EFR3A: variants seen among roughly 807,000 people sequenced by gnomAD.
EFR3A encodes the protein protein EFR3 homolog A.
Under a neutral mutation model 104.4 loss-of-function variants are expected in EFR3A, and 76 were observed. That is an observed-to-expected ratio of 0.73 (90% CI 0.60 to 0.88). The LOEUF (loss-of-function observed/expected upper bound fraction) is 0.88. Ranked by LOEUF, EFR3A falls within the 40% of genes least tolerant of loss-of-function variation. EFR3A has a pLI of 0.00. For missense variants in EFR3A, 985 were observed against 1,012.5 expected (o/e 0.97, Z 0.37); for synonymous variants, 330 against 330.0 (o/e 1.00, Z 0.00).
intron 1 of EFR3A, among the ~76,000 whole-genome samples, chr8:131,914,425 C>T (rs1470089032): frequency 6.6e-6 from 1 of 152,190 alleles, no homozygotes; most frequent in Non-Finnish European, 1.5e-5. Context: ...GCACAGCATC[C>T]TCATTGTTGA....
chr8:131,966,243 A>G (rs571202486), intron 8 of EFR3A, among the ~76,000 whole-genome samples: 1 of 152,242 alleles, frequency 6.6e-6, no homozygotes, highest in Admixed American at 6.5e-5. Flanking sequence ...CAACAAAAAA[A>G]AGAGTTTCTG....
intron 5 of EFR3A, among the ~76,000 whole-genome samples, chr8:131,951,011 C>G (rs1469215469): frequency 6.6e-6 from 1 of 152,026 alleles, no homozygotes; most frequent in East Asian, 1.9e-4. Context: ...AACAAGAAAT[C>G]AACCCGGATT....
intron 14 of EFR3A, among the ~76,000 whole-genome samples, chr8:131,983,116 G>A (rs1820702061): frequency 6.6e-6 from 1 of 152,148 alleles, no homozygotes; most frequent in African/African-American, 2.4e-5. Flanking sequence ...AAGAGTCTGT[G>A]CTGTTCTCGC....
intron 1 of EFR3A, among the ~76,000 whole-genome samples, chr8:131,910,286 A>G (rs527814185): frequency 1.3e-5 from 2 of 152,210 alleles, no homozygotes; most frequent in South Asian, 4.1e-4. Context: ...TTCTCTGGTA[A>G]TTTGAGATGG....
rs954728183 is a variant in EFR3A at position 132,011,809 on chromosome 8, G to A, written c.*914G>A. The A allele has an allele frequency of 6.6e-6, 1 of 152,206 alleles. No individual in the cohort carries two copies. Among genetic ancestry groups the A allele is most frequent in the African/African-American group, 2.4e-5 (1 of 41,424 alleles). 9.4% of individuals were successfully genotyped at this position (152,206 alleles called of 1,614,324 possible). A position where few individuals can be genotyped will look rare whatever the true frequency, so the allele number is the denominator to read the frequency against. ...ATTAAGAGCACATTTATTTACATTT[G>A]TATATTATTTTAAATCCTCATAGTC... On this transcript the variant is annotated 3_prime_UTR_variant, in exon 23 of 23. Coordinates refer to ENST00000254624, the MANE Select transcript of EFR3A (RefSeq NM_015137.6).
rs1270797443 is a variant in EFR3A, at chr8:131,944,734, A to G, written c.88-11A>G. 5.1e-6 allele frequency: 8 copies of G among 1,566,280 alleles called. No individual in the cohort carries two copies. The East Asian group carries it at 1.9e-4, about 36-fold the overall frequency. ...ATATAGATAATCTATTTATCTTGTT[A>G]TTGTTTTTAGGATGGCCTTGTGAAA... On this transcript the variant is annotated splice_polypyrimidine_tract_variant and intron_variant, in intron 2 of 22. Transcript: ENST00000254624.
chr8:132,000,512 G>T (rs926956700), intron 19 of EFR3A, among the ~76,000 whole-genome samples: 2 of 152,014 alleles, frequency 1.3e-5, no homozygotes, highest in African/African-American at 4.8e-5. Context: ...GAGTTAGTAG[G>T]GTAAGGTATT....
intron 10 of EFR3A, 137 bp downstream of exon 10, chr8:131,970,780 A>G: frequency 1.2e-6 from 1 of 800,208 alleles, no homozygotes; most frequent in South Asian, 2.0e-5. Flanking sequence ...ATTTTCGAAA[A>G]CAAGCAAGCA....
chr8:131,948,732 C>G (rs552083905), intron 4 of EFR3A, among the ~76,000 whole-genome samples: 2 of 152,044 alleles, frequency 1.3e-5, no homozygotes, highest in African/African-American at 2.4e-5. Context: ...CTCCAGTTAC[C>G]TACCTTAATT....
chr8:131,989,362 C>T (rs192898885), intron 18 of EFR3A, among the ~76,000 whole-genome samples: 1 of 152,210 alleles, frequency 6.6e-6, no homozygotes, highest in Non-Finnish European at 1.5e-5. Flanking sequence ...TCATGTAGTA[C>T]CCATCATCAT....
intron 18 of EFR3A, among the ~76,000 whole-genome samples, chr8:131,991,246 A>C (rs552204629): frequency 2.0e-5 from 3 of 152,190 alleles, no homozygotes; most frequent in Non-Finnish European, 4.4e-5. Flanking sequence ...GGAAAGACCA[A>C]CCCTCATGAT....
At chr8:132,006,000 C>T (rs1005335605) in intron 22 of EFR3A, among the ~76,000 whole-genome samples, 3 of 151,988 alleles carry the variant, frequency 2.0e-5, no homozygotes, top group Non-Finnish European at 4.4e-5. Flanking sequence ...TTAAAAGACA[C>T]CCATACCTCA....
chr8:131,962,641 A>C (rs1042032113), intron 8 of EFR3A, among the ~76,000 whole-genome samples: 1 of 152,162 alleles, frequency 6.6e-6, no homozygotes, highest in Admixed American at 6.5e-5. Context: ...TCAACATTAG[A>C]CAGATCAATG....
At chr8:131,998,170 C>T (rs1186623416) in intron 19 of EFR3A, among the ~76,000 whole-genome samples, 3 of 151,850 alleles carry the variant, frequency 2.0e-5, no homozygotes, top group Non-Finnish European at 4.4e-5. Context: ...GTTCAAATAC[C>T]AGAAGACAGA....
At chr8:131,926,405 A>C (rs2130473389) in intron 1 of EFR3A, among the ~76,000 whole-genome samples, 1 of 152,266 alleles carries the variant, frequency 6.6e-6, no homozygotes, top group South Asian at 2.1e-4. Context: ...CTACATCAAA[A>C]ATGATGAAAT....
Position 131,970,500 on chromosome 8 carries a change from A to G in EFR3A, c.1016A>G (p.Asn339Ser), listed in dbSNP as rs1819987306. ...SIGPTVLEVF[N>S]TLLKHLRLSV... ...GGTCCGACAGTGCTGGAAGTCTTCA[A>G]TACCCTTTTGAAACATCTGCGTCTC... The change falls in exon 10 of 23, where the codon AAT (asparagine) becomes AGT (serine). Residue 339 changes from asparagine (N) to serine (S), a missense_variant. By Grantham distance (46) the Asn-to-Ser change is conservative (BLOSUM62 1). Coordinates refer to ENST00000254624, the MANE Select transcript of EFR3A (RefSeq NM_015137.6). 1.2e-6 allele frequency: 2 copies of G among 1,613,914 alleles called. No individual in the cohort carries two copies. Among genetic ancestry groups the G allele is most frequent in the South Asian group, 1.1e-5 (1 of 91,078 alleles).
At chr8:131,962,038 T>G (rs1007239998) in intron 8 of EFR3A, among the ~76,000 whole-genome samples, 1 of 152,048 alleles carries the variant, frequency 6.6e-6, no homozygotes, top group Non-Finnish European at 1.5e-5. Context: ...CAGGCCTGCC[T>G]TACAAGAGCT....
rs535559890 is a variant in EFR3A at position 131,971,158 on chromosome 8, A to C, written c.1159+515A>C. Among the ~76,000 whole-genome samples the C allele has an allele frequency of 1.3e-5, 2 of 152,240 alleles. 1 individual carries two copies. Among genetic ancestry groups the C allele is most frequent in the South Asian group, 4.1e-4 (2 of 4,836 alleles). On this transcript the variant is annotated intron_variant, in intron 10 of 22. Transcript: ENST00000254624. The stretch of plus-strand genomic sequence containing the variant: ...TCACTAAATTTAGGATTGATCCAGT[A>C]CTTGAATCAGCCTTTCATATTTCAG...
intron 5 of EFR3A, among the ~76,000 whole-genome samples, chr8:131,953,190 A>G (rs1432852241): frequency 1.3e-5 from 2 of 152,124 alleles, no homozygotes; most frequent in Admixed American, 6.6e-5. Context: ...ATGGGAGGAT[A>G]AGGCAGCATT....
Sources: gnomAD v4.1 joint callset for allele counts (sites outside exome capture counted in the v4.1 genomes callset) on GRCh38, gnomAD v4.1.1 for gene constraint, MANE v1.5 for transcripts, NCBI Gene and HGNC (gene_info 2026-07-23, HGNC 2026-07-21) for gene names.